GIMAP2: variants seen among roughly 807,000 people sequenced by gnomAD.
The protein encoded by GIMAP2 is GTPase IMAP family member 2.
A neutral mutation model predicts 25.5 loss-of-function variants in GIMAP2; 22 were observed. The observed-to-expected ratio is 0.86, with a 90% CI of 0.62 to 1.23. The LOEUF (loss-of-function observed/expected upper bound fraction) is 1.23. GIMAP2 is among the 50% of genes most tolerant of loss of function. The pLI, the probability that GIMAP2 is intolerant of heterozygous loss-of-function variation, is 0.00. For synonymous variants in GIMAP2, 167 were observed against 143.0 expected, an observed-to-expected ratio of 1.17 and a Z score of -1.20; for missense variants, 422 against 395.7, an observed-to-expected ratio of 1.07 and a Z score of -0.56.
intron 2 of GIMAP2, 45 bp from the exon 3 acceptor site, chr7:150,692,270 G>A: frequency 6.4e-6 from 10 of 1,553,258 alleles, no homozygotes; most frequent in Non-Finnish European, 7.0e-6. Flanking sequence ...ATATTCCACT[G>A]CCGTGATCAG....
chr7:150,693,237 C>T lies in GIMAP2; in HGVS notation c.951C>T (p.Pro317=), dbSNP rs752117718. 1 of 1,601,316 alleles carries T rather than the reference C, an allele frequency of 6.2e-7. No homozygotes were observed. The highest frequency in any genetic ancestry group is 2.2e-5 in the East Asian group (1 of 44,816). ...TCTGCAGTTTGCTGTTTATTATACC[C>T]AAAAAGTTAATGATATTTTTGAGAA... The part of the protein sequence containing the change: ...NLFCSLLFII[P]KKLMIFLRTV... Residue 317 remains proline, a synonymous_variant, in exon 3 of 3, where the codon CCC becomes CCT. Coordinates refer to ENST00000223293, the MANE Select transcript of GIMAP2 (RefSeq NM_015660.3).
intron 1 of GIMAP2, among the ~76,000 whole-genome samples, chr7:150,686,745 A>T (rs1796904162): frequency 6.6e-6 from 1 of 151,898 alleles, no homozygotes; most frequent in African/African-American, 2.4e-5. Context: ...GGAGTTTGAG[A>T]CCAGCCTGGC....
chr7:150,690,543 C>A (rs1251584690), intron 2 of GIMAP2, among the ~76,000 whole-genome samples: 1 of 152,140 alleles, frequency 6.6e-6, no homozygotes, highest in African/African-American at 2.4e-5. Context: ...GATCCTGGCA[C>A]ATTAAAAGTG....
chr7:150,693,010 A>G lies in GIMAP2; in HGVS notation c.724A>G (p.Ser242Gly). ...SDERVKEFKQ[S>G]LIKYMETQRS... ...TGAAAGAGTAAAGGAATTCAAACAG[A>G]GCCTTATAAAGTACATGGAAACTCA... Residue 242 changes from serine to glycine, a missense_variant, in exon 3 of 3, where the codon AGC becomes GGC. Ser to Gly is a moderately conservative substitution (Grantham distance 56, BLOSUM62 0). Coordinates refer to ENST00000223293, the MANE Select transcript of GIMAP2 (RefSeq NM_015660.3). 1 of 1,614,150 alleles carries G rather than the reference A, an allele frequency of 6.2e-7. No homozygotes were observed. The highest frequency in any genetic ancestry group is 1.1e-5 in the South Asian group (1 of 91,088).
intron 1 of GIMAP2, among the ~76,000 whole-genome samples, chr7:150,686,819 C>T (rs1796905797): frequency 6.6e-6 from 1 of 151,168 alleles, no homozygotes; most frequent in African/African-American, 2.4e-5. Flanking sequence ...TGGTGCACAC[C>T]CATAATCCCA....
Position 150,692,414 on chromosome 7 carries a change from T to G in GIMAP2, c.128T>G (p.Leu43Arg). 2 of 1,614,208 alleles carry G rather than the reference T, an allele frequency of 1.2e-6. No individual in the cohort carries two copies. Among genetic ancestry groups the G allele is most frequent in the Non-Finnish European group, 8.5e-7 (1 of 1,180,044 alleles). ...AAAAGTGCTGCAGGGAACAGCATCC[T>G]CAGGAAGCAAGCATTTGAATCGAAG... Reference protein sequence around the residue: ...TGKSAAGNSILRKQAFESKLG... With the variant: ...TGKSAAGNSIRRKQAFESKLG... The change falls in exon 3 of 3, where the codon CTC (leucine) becomes CGC (arginine). Residue 43 changes from leucine to arginine, a missense_variant. By Grantham distance (102) the Leu-to-Arg change is moderately radical (BLOSUM62 -2). Coordinates refer to ENST00000223293, the MANE Select transcript of GIMAP2 (RefSeq NM_015660.3).
At chr7:150,687,233 A>AGCAGCTG in intron 2 of GIMAP2, 146 bp downstream of exon 2, 1 of 675,388 alleles carries the variant, frequency 1.5e-6, no homozygotes. Flanking sequence ...TACCACCACC[A>AGCAGCTG]GCAGCTGAAA....
intron 1 of GIMAP2, among the ~76,000 whole-genome samples, chr7:150,686,299 C>G (rs1286296813): frequency 2.0e-5 from 3 of 151,914 alleles, no homozygotes; most frequent in African/African-American, 7.3e-5. Flanking sequence ...AGCAAAGACT[C>G]AACATGAGGG....
chr7:150,692,988 A>G lies in GIMAP2; in HGVS notation c.702A>G (p.Glu234=). 6.2e-7 allele frequency: 1 copy of G among 1,614,126 alleles called. No homozygotes were observed. Among genetic ancestry groups the G allele is most frequent in the Non-Finnish European group, 8.5e-7 (1 of 1,179,934 alleles). Residue 234 remains glutamate, a synonymous_variant, in exon 3 of 3, where the codon GAA becomes GAG. Coordinates refer to ENST00000223293, the MANE Select transcript of GIMAP2 (RefSeq NM_015660.3). The part of the protein sequence containing the change: ...RSKCGPVGSD[E]RVKEFKQSLI... ...AATGTGGACCTGTGGGATCAGATGA[A>G]AGAGTAAAGGAATTCAAACAGAGCC...
intron 2 of GIMAP2, 138 bp downstream of exon 2, chr7:150,687,225 C>T: frequency 1.4e-6 from 1 of 700,938 alleles, no homozygotes; most frequent in East Asian, 2.8e-5. Flanking sequence ...CCCACAGCTA[C>T]CACCACCAGC....
chr7:150,689,738 C>T (rs1228400684), intron 2 of GIMAP2: 2 of 556,874 alleles, frequency 3.6e-6, no homozygotes, highest in Non-Finnish European at 6.5e-6. Flanking sequence ...ATATGTGCAA[C>T]AAGTGTTGGC....
Position 150,692,733 on chromosome 7 carries a change from A to G in GIMAP2, c.447A>G (p.Glu149=). ...CAATTGTCCTCTTTACCCACAAGGA[A>G]GACCTCAATGGTGGCTCCCTGATGG... ...GHTIVLFTHK[E]DLNGGSLMDY... is the part of the protein sequence containing the mutation. The change falls in exon 3 of 3, where the codon GAA becomes GAG. Residue 149 remains glutamate (E), a synonymous_variant. Coordinates refer to ENST00000223293, the MANE Select transcript of GIMAP2 (RefSeq NM_015660.3). The G allele has an allele frequency of 6.2e-7, 1 of 1,614,224 alleles. No homozygotes were observed.
intron 2 of GIMAP2, 86 bp from the exon 3 acceptor site, chr7:150,692,229 A>AAAAAAG (rs1796973400): frequency 7.4e-7 from 1 of 1,347,534 alleles, no homozygotes; most frequent in Non-Finnish European, 1.0e-6. Flanking sequence ...CGTCTCAAAA[A>AAAAAAG]AAAAAGAAAA....
Position 150,692,478 on chromosome 7 carries a change from T to G in GIMAP2, c.192T>G (p.Ser64Arg). ...CCTTGACTAAGACTTGCAGCAAAAG[T>G]CAGGGAAGCTGGGGAAATAGAGAGA... ...SQTLTKTCSKSQGSWGNREIV... is the reference protein window; with the variant it reads ...SQTLTKTCSKRQGSWGNREIV... Residue 64 changes from serine to arginine, a missense_variant, in exon 3 of 3, where the codon AGT becomes AGG. Coordinates refer to ENST00000223293, the MANE Select transcript of GIMAP2 (RefSeq NM_015660.3). The G allele has an allele frequency of 6.2e-7, 1 of 1,614,116 alleles. No individual in the cohort carries two copies. The highest frequency in any genetic ancestry group is 8.5e-7 in the Non-Finnish European group (1 of 1,179,996).
At position 150,692,660 on chromosome 7, in the gene GIMAP2, C is replaced by G. The variant is rs144149379; in HGVS notation, c.374C>G (p.Ala125Gly). The change falls in exon 3 of 3, where the codon GCT becomes GGT. Residue 125 changes from alanine (A) to glycine (G), a missense_variant. Ala to Gly is a moderately conservative substitution (Grantham distance 60, BLOSUM62 0). Transcript: ENST00000223293. ...CGCTATACCTCACAGGACCAGCAGG[C>G]TGCACAGAGGGTGAAGGAGATCTTT... Reference protein sequence around the residue: ...LGRYTSQDQQAAQRVKEIFGE... With the variant: ...LGRYTSQDQQGAQRVKEIFGE... The G allele has an allele frequency of 9.3e-6, 15 of 1,614,098 alleles. No homozygotes were observed. The African/African-American group carries it at 1.7e-4, about 19-fold the overall frequency.
intron 2 of GIMAP2, chr7:150,687,355 C>T (rs1039913051): frequency 1.5e-5 from 5 of 336,322 alleles, no homozygotes; most frequent in Non-Finnish European, 2.7e-5. Flanking sequence ...TCACTGCAAC[C>T]TCCACCTCCC....
Position 150,693,426 on chromosome 7 carries a change from C to T in GIMAP2, c.*126C>T. The stretch of plus-strand genomic sequence containing the variant: ...GAAATGTTTAAATCTGAACATCACT[C>T]CAATTATTAATGAACCAAATCATAC... On this transcript the variant is annotated 3_prime_UTR_variant, in exon 3 of 3. Coordinates refer to ENST00000223293, the MANE Select transcript of GIMAP2 (RefSeq NM_015660.3). The T allele has an allele frequency of 1.7e-6, 1 of 594,284 alleles. No individual in the cohort carries two copies. Among genetic ancestry groups the T allele is most frequent in the Non-Finnish European group, 2.8e-6 (1 of 351,138 alleles). 36.8% of individuals were successfully genotyped at this position (594,284 alleles called of 1,614,324 possible).
chr7:150,692,840 G>C lies in GIMAP2; in HGVS notation c.554G>C (p.Arg185Pro). Reference protein sequence around the residue: ...CGGRICAFNNRAEGSNQDDQV... With the variant: ...CGGRICAFNNPAEGSNQDDQV... ...GGGCGAATCTGTGCCTTTAATAACC[G>C]TGCTGAAGGGAGCAATCAGGATGAC... Residue 185 changes from arginine to proline, a missense_variant, in exon 3 of 3, where the codon CGT becomes CCT. Coordinates refer to ENST00000223293, the MANE Select transcript of GIMAP2 (RefSeq NM_015660.3). 6.2e-7 allele frequency: 1 copy of C among 1,614,198 alleles called. No individual in the cohort carries two copies. Among genetic ancestry groups the C allele is most frequent in the Non-Finnish European group, 8.5e-7 (1 of 1,180,030 alleles).
rs1416236861 is a variant in GIMAP2 at position 150,693,482 on chromosome 7, A to G, written c.*182A>G. ...GTTACTGTTTGCATTGAAATATAAT[A>G]TCAAAGCCTTTTGAAATCTGTAAAC... is the stretch of plus-strand genomic sequence containing the variant. On this transcript the variant is annotated 3_prime_UTR_variant, in exon 3 of 3. Coordinates refer to ENST00000223293, the MANE Select transcript of GIMAP2 (RefSeq NM_015660.3). 1.9e-5 allele frequency: 9 copies of G among 485,242 alleles called. No individual in the cohort carries two copies. The allele number at this position is 485,242 out of a possible 1,614,324, so 30.1% of individuals were successfully genotyped here. A position where few individuals can be genotyped will look rare whatever the true frequency, so the allele number is the denominator to read the frequency against.
Sources: gnomAD v4.1 joint callset for allele counts (sites outside exome capture counted in the v4.1 genomes callset) on GRCh38, gnomAD v4.1.1 for gene constraint, MANE v1.5 for transcripts, NCBI Gene and HGNC (gene_info 2026-07-23, HGNC 2026-07-21) for gene names.